The following EPS8L1 variants were observed in gnomAD, a reference collection of about 807,000 sequenced individuals.
The protein encoded by EPS8L1 is EPS8 signaling adaptor L1.
A neutral mutation model predicts 91.7 loss-of-function variants in EPS8L1; 101 were observed. The ratio of observed to expected loss-of-function variants is 1.10; its 90% confidence interval spans 0.94 to 1.30. The LOEUF (loss-of-function observed/expected upper bound fraction) is 1.30. EPS8L1 is among the 50% of genes most tolerant of loss of function. The probability of loss-of-function intolerance (pLI) is 0.00; values close to 1 mark genes in which losing one functional copy is unlikely to be tolerated. For synonymous variants in EPS8L1, 506 were observed against 445.3 expected (o/e 1.14, Z -1.72); for missense variants, 1,114 against 1,017.0 (o/e 1.10, Z -1.30).
In EPS8L1 at chr19:55,083,628, C is replaced by A; in HGVS notation, c.1369C>A (p.Gln457Lys). 6.3e-7 allele frequency: 1 copy of A among 1,594,194 alleles called. No homozygotes were observed. The highest frequency in any genetic ancestry group is 8.5e-7 in the Non-Finnish European group (1 of 1,170,706). The change falls in exon 14 of 20, where the codon CAG (glutamine) becomes AAG (lysine). Residue 457 changes from glutamine (Q) to lysine (K), a missense_variant. Coordinates refer to ENST00000201647, the MANE Select transcript of EPS8L1 (RefSeq NM_133180.3). This position sits in a 1 kb window ranked among gnomAD's most constrained non-coding sequence, Gnocchi z 4.7. ...ERRRRQQSAP[Q>K]VAVNGHRDLE... ...TTACTTCCTACAGCAAAGCGCCCCC[C>A]AGGTCGCTGTCAATGGGTGAGTGTC... is the stretch of plus-strand genomic sequence containing the variant.
rs554576602 is a variant in EPS8L1 at position 55,087,387 on chromosome 19, G to T, written c.2037G>T (p.Glu679Asp). 3.7e-6 allele frequency: 6 copies of T among 1,613,384 alleles called. No individual in the cohort carries two copies. The highest frequency in any genetic ancestry group is 3.3e-5 in the South Asian group (3 of 91,042). ...AGCTGCGGGCGGTGAGCCCCGAGGA[G>T]GGGGCACGTGTGTACAGCCAGGTCA... ...KEELRAVSPE[E>D]GARVYSQVTV... The change falls in exon 19 of 20, where the codon GAG becomes GAT. Residue 679 changes from glutamate (E) to aspartate (D), a missense_variant. Glu to Asp is a conservative substitution (Grantham distance 45). Transcript: ENST00000201647.
intron 6 of EPS8L1, 105 bp downstream of exon 6, chr19:55,080,383 G>A (rs2076229010): frequency 3.2e-6 from 5 of 1,556,640 alleles, no homozygotes; most frequent in Middle Eastern, 2.1e-4. Context: ...CTGGGGCTAA[G>A]GCGGGATCAG....
rs377275134 is a variant in EPS8L1, at chr19:55,081,725, G to A, written c.775-48G>A. ...TCAGGTTCAGGGCTTCGACGGGGAT[G>A]GTTTTGGAACTCGGGAGCCCTGAGC... On this transcript the variant is annotated intron_variant, in intron 8 of 19. Transcript: ENST00000201647. This position sits in a 1 kb window ranked among gnomAD's most constrained non-coding sequence, Gnocchi z 4.9. 1 of 1,565,340 alleles carries A rather than the reference G, an allele frequency of 6.4e-7. No individual in the cohort carries two copies. The highest frequency in any genetic ancestry group is 8.7e-7 in the Non-Finnish European group (1 of 1,153,668).
At position 55,080,935 on chromosome 19, in the gene EPS8L1, C is replaced by G. The variant is rs2076245053; in HGVS notation, c.512+81C>G. ...CTCAGTCTACAACACCAGCCTGGAACAGAACAAGAGTTTTGCATGGAGTCA... is the reference window on the plus strand; with the variant it reads ...CTCAGTCTACAACACCAGCCTGGAAGAGAACAAGAGTTTTGCATGGAGTCA... On this transcript the variant is annotated intron_variant, in intron 7 of 19. Coordinates refer to ENST00000201647, the MANE Select transcript of EPS8L1 (RefSeq NM_133180.3). 3.0e-6 allele frequency: 4 copies of G among 1,333,496 alleles called. No individual in the cohort carries two copies. In the South Asian group the frequency reaches 5.7e-5, roughly 19 times the overall value. 82.6% of individuals were successfully genotyped at this position (1,333,496 alleles called of 1,614,324 possible).
In EPS8L1 at chr19:55,087,253, C is replaced by T. The variant is rs766827654; in HGVS notation, c.1953-50C>T. On this transcript the variant is annotated intron_variant, in intron 18 of 19. Transcript: ENST00000201647. ...GGTGGGCGTGACATGATTGTCCGGGCTGGGGCATCCGCCGACCGGCCTGAC... is the reference window on the plus strand; with the variant it reads ...GGTGGGCGTGACATGATTGTCCGGGTTGGGGCATCCGCCGACCGGCCTGAC... 31 of 1,547,690 alleles carry T rather than the reference C, an allele frequency of 2.0e-5. No individual in the cohort carries two copies. The South Asian group carries it at 2.7e-4, about 13-fold the overall frequency.
In EPS8L1 at chr19:55,080,865, A is replaced by G. The variant is rs1285998309; in HGVS notation, c.512+11A>G. 1.3e-5 allele frequency: 20 copies of G among 1,597,902 alleles called. No homozygotes were observed. The highest frequency in any genetic ancestry group is 1.6e-5 in the Non-Finnish European group (19 of 1,171,408). On this transcript the variant is annotated intron_variant, in intron 7 of 19. Transcript: ENST00000201647. ...GGCGGCGGCGCTCAGGTGAGAGGGA[A>G]GAAGTTGGCAGGGTCTCTGGGAAGC...
chr19:55,079,937 T>C, intron 5 of EPS8L1, 86 bp downstream of exon 5: 2 of 1,481,416 alleles, frequency 1.4e-6, no homozygotes, highest in South Asian at 2.7e-5. Flanking sequence ...TGCACGTCCT[T>C]CCTCTGGGAA....
Position 55,082,483 on chromosome 19 carries a change from C to G in EPS8L1, c.1095C>G (p.Phe365Leu). 6.2e-7 allele frequency: 1 copy of G among 1,612,628 alleles called. No homozygotes were observed. Among genetic ancestry groups the G allele is most frequent in the Non-Finnish European group, 8.5e-7 (1 of 1,179,768 alleles). Residue 365 changes from phenylalanine (F) to leucine (L), a missense_variant, in exon 12 of 20, where the codon TTC (phenylalanine) becomes TTG (leucine). Physicochemically the swap from Phe to Leu is conservative, Grantham distance 22 (BLOSUM62 0). Coordinates refer to ENST00000201647, the MANE Select transcript of EPS8L1 (RefSeq NM_133180.3). ...TGAACACGTCGGGGGGGCCGGAGTT[C>G]GCGAGCAGTGTGCGGCGGCCGCATC... is the stretch of plus-strand genomic sequence containing the variant. ...MIVNTSGGPE[F>L]ASSVRRPHLT...
chr19:55,086,485 G>A lies in EPS8L1; in HGVS notation c.1744G>A (p.Asp582Asn). ...RWDRPRWDSC[D>N]SLNGLDPSEK... is the part of the protein sequence containing the mutation. The stretch of plus-strand genomic sequence containing the variant: ...GGACAGGCCCCGCTGGGACAGCTGC[G>A]ATAGCCTCAACGGCTTGGACCCCAG... Residue 582 changes from aspartate to asparagine, a missense_variant, in exon 17 of 20, where the codon GAT becomes AAT. Physicochemically the swap from Asp to Asn is conservative, Grantham distance 23 (BLOSUM62 1). Transcript: ENST00000201647. 1 of 1,551,644 alleles carries A rather than the reference G, an allele frequency of 6.4e-7. No individual in the cohort carries two copies. Among genetic ancestry groups the A allele is most frequent in the Non-Finnish European group, 8.7e-7 (1 of 1,147,014 alleles).
chr19:55,087,073 T>G (rs1348294121), intron 18 of EPS8L1, 185 bp downstream of exon 18: 1 of 1,044,762 alleles, frequency 9.6e-7, no homozygotes, highest in African/African-American at 1.6e-5. Flanking sequence ...TTTTTCAGAC[T>G]CCGACTGGAT....
chr19:55,081,122 C>A lies in EPS8L1; in HGVS notation c.513-109C>A. The A allele has an allele frequency of 7.5e-7, 1 of 1,327,468 alleles. No homozygotes were observed. The highest frequency in any genetic ancestry group is 1.0e-6 in the Non-Finnish European group (1 of 1,003,226). The allele number at this position is 1,327,468 out of a possible 1,614,324, so 82.2% of individuals were successfully genotyped here. A position where few individuals can be genotyped will look rare whatever the true frequency, so the allele number is the denominator to read the frequency against. On this transcript the variant is annotated intron_variant, in intron 7 of 19. Coordinates refer to ENST00000201647, the MANE Select transcript of EPS8L1 (RefSeq NM_133180.3). This position sits in a 1 kb window ranked among gnomAD's most constrained non-coding sequence, Gnocchi z 4.9. ...TTCTCCCTACCTCGTTGAACTTGTT[C>A]ACTCCCTTTGAGCCTTTTGAGCCTG...
At position 55,079,740 on chromosome 19, in the gene EPS8L1, G is replaced by A; in HGVS notation, c.168G>A (p.Glu56=). The A allele has an allele frequency of 6.2e-7, 1 of 1,614,190 alleles. No individual in the cohort carries two copies. The highest frequency in any genetic ancestry group is 8.5e-7 in the Non-Finnish European group (1 of 1,180,024). Residue 56 remains glutamate (E), a synonymous_variant, in exon 5 of 20, where the codon GAG becomes GAA. Coordinates refer to ENST00000201647, the MANE Select transcript of EPS8L1 (RefSeq NM_133180.3). ...AGGACGATGGCGTGCATACCGTGGA[G>A]GATGCCTCCAGGAAGTTGGCCGTCA... The part of the protein sequence containing the change: ...LGEDDGVHTV[E]DASRKLAVMD...
intron 17 of EPS8L1, 64 bp downstream of exon 17, chr19:55,086,582 G>C: frequency 1.3e-6 from 2 of 1,536,984 alleles, no homozygotes; most frequent in African/African-American, 2.7e-5. Flanking sequence ...GCAGAGAAAC[G>C]GGGGCTCAGA....
intron 14 of EPS8L1, 149 bp from the exon 15 acceptor site, chr19:55,085,692 A>T: frequency 1.1e-6 from 1 of 882,430 alleles, no homozygotes. Flanking sequence ...TCAGTCTGTT[A>T]TTCTTGTTTC....
chr19:55,086,593 AAG>A (rs1440393472), intron 17 of EPS8L1, 75 bp downstream of exon 17: 6 of 1,534,192 alleles, frequency 3.9e-6, no homozygotes, highest in Non-Finnish European at 5.3e-6. Flanking sequence ...GGGGCTCAGA[AAG>A]AGCAAAGGGA....
rs761134698 is a variant in EPS8L1 at position 55,086,343 on chromosome 19, A to C, written c.1651-49A>C. 3.4e-5 allele frequency: 54 copies of C among 1,602,262 alleles called. 2 individuals carry two copies. The South Asian group carries it at 6.0e-4, about 18-fold the overall frequency. On this transcript the variant is annotated intron_variant, in intron 16 of 19. Transcript: ENST00000201647. ...ATCTCCAGAAAGGGGAGAGGCTGGG[A>C]CTCTGAGTCCTCTCCCTAACCCAGG...
Position 55,086,901 on chromosome 19 carries a change from G to T in EPS8L1, c.1952+13G>T. On this transcript the variant is annotated intron_variant, in intron 18 of 19. Coordinates refer to ENST00000201647, the MANE Select transcript of EPS8L1 (RefSeq NM_133180.3). ...GCTTTAGCTCCGGGTGAGTGGGGCCGGGGCCCTCTCGGCGCGGGTTGATAC... is the reference window on the plus strand; with the variant it reads ...GCTTTAGCTCCGGGTGAGTGGGGCCTGGGCCCTCTCGGCGCGGGTTGATAC... 7.1e-7 allele frequency: 1 copy of T among 1,418,242 alleles called. No homozygotes were observed. The highest frequency in any genetic ancestry group is 2.8e-5 in the East Asian group (1 of 35,698). 87.9% of individuals were successfully genotyped at this position (1,418,242 alleles called of 1,614,324 possible).
At position 55,086,469 on chromosome 19, in the gene EPS8L1, C is replaced by T. The variant is rs530196982; in HGVS notation, c.1728C>T (p.Pro576=). The T allele has an allele frequency of 6.4e-7, 1 of 1,552,198 alleles. No individual in the cohort carries two copies. The change falls in exon 17 of 20, where the codon CCC becomes CCT. Residue 576 remains proline, a synonymous_variant. Coordinates refer to ENST00000201647, the MANE Select transcript of EPS8L1 (RefSeq NM_133180.3). ...TGGCTCGGCCCCGCTGGGACAGGCC[C>T]CGCTGGGACAGCTGCGATAGCCTCA... ...PALARPRWDR[P]RWDSCDSLNG...
intron 5 of EPS8L1, 83 bp from the exon 6 acceptor site, chr19:55,080,046 G>A (rs2076220372): frequency 2.1e-6 from 3 of 1,452,940 alleles, no homozygotes; most frequent in African/African-American, 1.4e-5. Flanking sequence ...AGGTTGCCCT[G>A]ACCTGCTGGC....
Sources: gnomAD v4.1 joint callset for allele counts on GRCh38, gnomAD v4.1.1 for gene constraint, Gnocchi (gnomAD v3.1) non-coding constraint, MANE v1.5 for transcripts, NCBI Gene and HGNC (gene_info 2026-07-23, HGNC 2026-07-21) for gene names.